Variants in SENP6 observed in about 807,000 individuals in gnomAD.
SENP6 encodes sentrin-specific protease 6.
Under a neutral mutation model 134.5 loss-of-function variants are expected in SENP6, and 41 were observed. The observed-to-expected ratio is 0.30, with a 90% CI of 0.24 to 0.40. The LOEUF (loss-of-function observed/expected upper bound fraction) is 0.40. SENP6 is among the 10% of genes least tolerant of loss of function. The pLI is 1.00. For synonymous variants in SENP6, 395 were observed against 429.8 expected, an observed-to-expected ratio of 0.92 and a Z score of 1.00; for missense variants, 1,248 against 1,312.5, an observed-to-expected ratio of 0.95 and a Z score of 0.76.
intron 11 of SENP6, 25 bp from the exon 12 acceptor site, chr6:75,675,410 A>G: frequency 7.6e-7 from 1 of 1,309,170 alleles, no homozygotes; most frequent in Non-Finnish European, 1.1e-6. Flanking sequence ...AGTCTAGAGC[A>G]ATACTAATTC....
At chr6:75,677,942 C>T (rs1582838533) in intron 14 of SENP6, 3 of 152,264 alleles carry the variant, frequency 2.0e-5, no homozygotes, top group South Asian at 2.1e-4. Flanking sequence ...CTATCCACAG[C>T]GCAATCTTGG....
intron 3 of SENP6, among the ~76,000 whole-genome samples, chr6:75,628,397 A>G (rs1045630888): frequency 4.6e-5 from 7 of 152,142 alleles, no homozygotes; most frequent in Non-Finnish European, 7.4e-5. Context: ...ATTAATGAAC[A>G]CTTGATCTAA....
rs1252284440 is a variant in SENP6 at position 75,713,525 on chromosome 6, A to G, written c.2922A>G (p.Leu974=). The change falls in exon 22 of 24, where the codon CTA becomes CTG. Residue 974 remains leucine (L), a synonymous_variant. Coordinates refer to ENST00000447266, the MANE Select transcript of SENP6 (RefSeq NM_015571.4). ...TTTTACCCTGCAGACCTTGTATCCT[A>G]CTTATGGACTCACTCCGAGGCCCTT... ...KPTICKQPCI[L]LMDSLRGPSR... is the part of the protein sequence containing the mutation. 2.5e-6 allele frequency: 4 copies of G among 1,613,560 alleles called. No homozygotes were observed. The highest frequency in any genetic ancestry group is 3.4e-6 in the Non-Finnish European group (4 of 1,179,676).
At chr6:75,695,032 A>G (rs2647413) in intron 16 of SENP6, among the ~76,000 whole-genome samples, 104,166 of 151,650 alleles carry the variant, frequency 0.69, 37,066 homozygotes, top group African/African-American at 0.88. Context: ...TCGCCACCAC[A>G]CCCGGCTAAA....
At chr6:75,623,752 A>G in intron 2 of SENP6, 148 bp from the exon 3 acceptor site, 1 of 571,846 alleles carries the variant, frequency 1.7e-6, no homozygotes, top group East Asian at 2.9e-5. Flanking sequence ...TACAGAGACC[A>G]TATGGCCTGC....
chr6:75,708,485 G>T lies in SENP6; in HGVS notation c.2717-1042G>T, dbSNP rs188612369. Among the ~76,000 whole-genome samples the T allele has an allele frequency of 2.0e-5, 3 of 152,276 alleles. No individual in the cohort carries two copies. In the East Asian group the frequency reaches 5.8e-4, roughly 29 times the overall value. On this transcript the variant is annotated intron_variant, in intron 19 of 23. Transcript: ENST00000447266. ...GTGCACCTGTAATCCCAGCACTCTG[G>T]GAGGCCAAAGCAGGAGGATGGCTTG...
At chr6:75,632,508 T>C (rs1001383006) in intron 3 of SENP6, among the ~76,000 whole-genome samples, 2 of 152,210 alleles carry the variant, frequency 1.3e-5, no homozygotes, top group African/African-American at 2.4e-5. Context: ...TATTATTAAA[T>C]GCAGTGTTAT....
intron 1 of SENP6, among the ~76,000 whole-genome samples, chr6:75,608,451 AGAAAG>A (rs1284269610): frequency 6.6e-6 from 1 of 151,924 alleles, no homozygotes; most frequent in Non-Finnish European, 1.5e-5. Context: ...AGAGCTGAGA[AGAAAG>A]AAAGAAAAAA....
At chr6:75,676,645 G>A (rs543596129) in intron 13 of SENP6, 1 of 159,562 alleles carries the variant, frequency 6.3e-6, no homozygotes, top group Non-Finnish European at 1.4e-5. Context: ...CTGTTTTGCA[G>A]TTAGATTCTC....
At position 75,623,930 on chromosome 6, in the gene SENP6, T is replaced by C. The variant is rs200942344; in HGVS notation, c.177T>C (p.Asp59=). Residue 59 remains aspartate (D), a synonymous_variant, in exon 3 of 24, where the codon GAT becomes GAC. Transcript: ENST00000447266. The part of the protein sequence containing the change: ...DGTNLLSVDE[D]EDSETSKGKK... ...CAAATCTGCTCAGTGTGGATGAAGA[T>C]GAGGATTCTGAAACCTCAAAAGGAA... The C allele has an allele frequency of 2.5e-6, 4 of 1,609,836 alleles. No individual in the cohort carries two copies. The highest frequency in any genetic ancestry group is 2.5e-6 in the Non-Finnish European group (3 of 1,177,722).
In SENP6 at chr6:75,717,037, C is replaced by T. The variant is rs1776052908; in HGVS notation, c.*1443C>T. ...AATATTAAAATGTAAGAAAGGTCAC[C>T]ATTAGTGATATCAACTGTAGTTTGT... is the stretch of plus-strand genomic sequence containing the variant. On this transcript the variant is annotated 3_prime_UTR_variant, in exon 24 of 24. Coordinates refer to ENST00000447266, the MANE Select transcript of SENP6 (RefSeq NM_015571.4). The T allele has an allele frequency of 6.6e-6, 1 of 151,810 alleles. No individual in the cohort carries two copies. Among genetic ancestry groups the T allele is most frequent in the Non-Finnish European group, 1.5e-5 (1 of 67,828 alleles). 9.4% of individuals were successfully genotyped at this position (151,810 alleles called of 1,614,324 possible).
At chr6:75,610,258 A>G (rs921135665) in intron 1 of SENP6, among the ~76,000 whole-genome samples, 1 of 152,166 alleles carries the variant, frequency 6.6e-6, no homozygotes, top group Admixed American at 6.5e-5. Flanking sequence ...AGCTCTTAGA[A>G]ATGGTCATAC....
At chr6:75,631,087 C>T (rs990454429) in intron 3 of SENP6, among the ~76,000 whole-genome samples, 1 of 151,670 alleles carries the variant, frequency 6.6e-6, no homozygotes, top group Middle Eastern at 3.4e-3. Context: ...TGTTGGTTCT[C>T]TTTCAAAGTT....
intron 6 of SENP6, among the ~76,000 whole-genome samples, chr6:75,643,233 C>T (rs1345858125): frequency 1.3e-5 from 2 of 152,108 alleles, no homozygotes. Flanking sequence ...CAAGTCCTAT[C>T]AGTAGTTATA....
At chr6:75,604,865 G>T (rs1766913614) in intron 1 of SENP6, among the ~76,000 whole-genome samples, 1 of 151,988 alleles carries the variant, frequency 6.6e-6, no homozygotes, top group Non-Finnish European at 1.5e-5. Context: ...CTGAGGTCAG[G>T]AGTTTGAGAC....
intron 13 of SENP6, 103 bp from the exon 14 acceptor site, chr6:75,676,927 A>G (rs568514024): frequency 1.5e-6 from 1 of 648,176 alleles, no homozygotes; most frequent in Non-Finnish European, 2.6e-6. Flanking sequence ...TTATACTGGG[A>G]TTTCTGATTA....
intron 10 of SENP6, among the ~76,000 whole-genome samples, chr6:75,669,655 A>G (rs1772517700): frequency 6.6e-6 from 1 of 152,220 alleles, no homozygotes; most frequent in Non-Finnish European, 1.5e-5. Context: ...AGTGACTGGA[A>G]TCATAATTTA....
At position 75,678,916 on chromosome 6, in the gene SENP6, CT is replaced by C; in HGVS notation, c.2068del (p.Tyr690IlefsTer2). The C allele has an allele frequency of 2.1e-6, 3 of 1,443,508 alleles. No individual in the cohort carries two copies. Among genetic ancestry groups the C allele is most frequent in the South Asian group, 1.2e-5 (1 of 84,784 alleles). 89.4% of individuals were successfully genotyped at this position (1,443,508 alleles called of 1,614,324 possible). Reference sequence around the variant, plus strand: ...AATTTTTAAATGATGTTATTATAGACTTTTATTTGAAGTAAGTTAATTTTCC... The same window carrying C: ...AATTTTTAAATGATGTTATTATAGACTTTATTTGAAGTAAGTTAATTTTCC... ...GEFLNDVIID[F>X]YLKYLVLEKL... On this transcript the variant is annotated frameshift_variant, in exon 16 of 24. Transcript: ENST00000447266. LOFTEE classifies it high-confidence loss of function.
chr6:75,632,856 ATTAC>A, intron 3 of SENP6, among the ~76,000 whole-genome samples: 1 of 152,184 alleles, frequency 6.6e-6, no homozygotes, highest in Non-Finnish European at 1.5e-5. Context: ...TTTGATGTAG[ATTAC>A]CAAATTAGCA....
Sources: allele counts gnomAD v4.1 joint callset (sites outside exome capture counted in the v4.1 genomes callset), GRCh38; gene constraint gnomAD v4.1.1; transcripts MANE v1.5; gene names NCBI Gene and HGNC (gene_info 2026-07-23, HGNC 2026-07-21).